The following NAV2 variants were observed in gnomAD, a reference collection of about 807,000 sequenced individuals.
The protein encoded by NAV2 is helicase, APC down-regulated 1.
A neutral mutation model predicts 223.2 loss-of-function variants in NAV2; 54 were observed. The ratio of observed to expected loss-of-function variants is 0.24; its 90% CI spans 0.19 to 0.30. The LOEUF (loss-of-function observed/expected upper bound fraction) is 0.30. Among genes scored for constraint, NAV2 ranks in the 10% least tolerant of loss-of-function variants. NAV2 has a pLI of 1.00. For missense variants in NAV2, 2,806 were observed against 3,147.5 expected (o/e 0.89, Z 2.60); for synonymous variants, 1,279 against 1,239.3 (o/e 1.03, Z -0.67).
chr11:19,455,899 C>T (rs1054666102), intron 1 of NAV2, among the ~76,000 whole-genome samples: 5 of 152,210 alleles, frequency 3.3e-5, no homozygotes, highest in East Asian at 1.9e-4. Flanking sequence ...GGGGCCTGCC[C>T]GGTTGCCATG....
chr11:19,813,863 A>G (rs1457475351), intron 1 of NAV2, among the ~76,000 whole-genome samples: 1 of 151,992 alleles, frequency 6.6e-6, no homozygotes, highest in East Asian at 1.9e-4. Flanking sequence ...GTGGTAAGCA[A>G]CCTCCAGGGA....
chr11:19,349,963 A>T (rs1590029073), upstream of NAV2, among the ~76,000 whole-genome samples: 1 of 151,978 alleles, frequency 6.6e-6, no homozygotes, highest in Non-Finnish European at 1.5e-5. Flanking sequence ...CTCCCTGAGG[A>T]CCCTGGTGTC....
intron 1 of NAV2, among the ~76,000 whole-genome samples, chr11:19,547,999 T>A (rs1006789567): frequency 6.6e-6 from 1 of 152,052 alleles, no homozygotes; most frequent in African/African-American, 2.4e-5. Context: ...CTGCAAGAGG[T>A]TAAATAACCA....
At chr11:19,512,629 T>G (rs2043314078) in intron 1 of NAV2, among the ~76,000 whole-genome samples, 1 of 152,206 alleles carries the variant, frequency 6.6e-6, no homozygotes, top group African/African-American at 2.4e-5. Context: ...AATGACTAAT[T>G]GGAATTGCTG....
chr11:19,947,341 A>G (rs1007728764), intron 9 of NAV2, among the ~76,000 whole-genome samples: 1 of 152,258 alleles, frequency 6.6e-6, no homozygotes, highest in Non-Finnish European at 1.5e-5. Flanking sequence ...AGAGGAAAAC[A>G]AAAACAGCTT....
chr11:19,535,153 G>A (rs1470577924), intron 1 of NAV2, among the ~76,000 whole-genome samples: 1 of 152,166 alleles, frequency 6.6e-6, no homozygotes, highest in East Asian at 1.9e-4. Flanking sequence ...GTGGAGAGTG[G>A]CTTGGCAGTG....
At chr11:19,943,330 A>T (rs58135512) in intron 8 of NAV2, among the ~76,000 whole-genome samples, 28,683 of 151,962 alleles carry the variant, frequency 0.19, 2,895 homozygotes, top group Middle Eastern at 0.37. Context: ...TGCTTTTTTT[A>T]AAAAAACACA....
At chr11:19,439,684 A>G (rs1206234314) in intron 1 of NAV2, among the ~76,000 whole-genome samples, 3 of 152,234 alleles carry the variant, frequency 2.0e-5, no homozygotes, top group African/African-American at 7.2e-5. Context: ...TCATTCATAC[A>G]TGACATGATC....
At chr11:19,618,874 A>G (rs1310281040) in intron 1 of NAV2, among the ~76,000 whole-genome samples, 1 of 150,724 alleles carries the variant, frequency 6.6e-6, no homozygotes, top group African/African-American at 2.4e-5. Flanking sequence ...CTTTGGCTAG[A>G]GCTAAGGGGC....
chr11:19,576,904 T>C (rs1275230116), intron 1 of NAV2, among the ~76,000 whole-genome samples: 1 of 152,192 alleles, frequency 6.6e-6, no homozygotes, highest in Admixed American at 6.5e-5. Context: ...CATCTGGCTG[T>C]CTTAGGCTGA....
At chr11:19,584,042 G>A (rs941349127) in intron 1 of NAV2, among the ~76,000 whole-genome samples, 2 of 152,086 alleles carry the variant, frequency 1.3e-5, no homozygotes, top group African/African-American at 4.8e-5. Flanking sequence ...AGTAATTATT[G>A]CCTCAATTTC....
chr11:19,611,923 C>G (rs2046657195), intron 1 of NAV2, among the ~76,000 whole-genome samples: 1 of 152,254 alleles, frequency 6.6e-6, no homozygotes, highest in East Asian at 1.9e-4. Context: ...TCCTTCTGTA[C>G]TGCCCTAGCA....
At chr11:19,681,435 T>G (rs2152226651) in intron 1 of NAV2, among the ~76,000 whole-genome samples, 1 of 152,088 alleles carries the variant, frequency 6.6e-6, no homozygotes, top group South Asian at 2.1e-4. Context: ...TGAACCCAGG[T>G]CTCTCTGCAA....
At chr11:20,071,722 A>G (rs11025371) in intron 22 of NAV2, among the ~76,000 whole-genome samples, 54,365 of 152,038 alleles carry the variant, frequency 0.36, 10,655 homozygotes, top group African/African-American at 0.52. Flanking sequence ...TGTTGGCTGC[A>G]TAAATGTCTT....
intron 1 of NAV2, among the ~76,000 whole-genome samples, chr11:19,557,442 A>G (rs1336443100): frequency 4.6e-5 from 7 of 152,270 alleles, no homozygotes; most frequent in Non-Finnish European, 8.8e-5. Context: ...ATCTCTTCAC[A>G]TGAATGTTTC....
At chr11:20,043,885 T>C in intron 12 of NAV2, 96 bp from the exon 13 acceptor site, 1 of 1,105,150 alleles carries the variant, frequency 9.0e-7, no homozygotes, top group Non-Finnish European at 1.3e-6. Flanking sequence ...ATTTTTCCCT[T>C]AACTACTCCA....
chr11:19,967,233 T>C (rs545842315), intron 10 of NAV2, among the ~76,000 whole-genome samples: 1 of 152,280 alleles, frequency 6.6e-6, no homozygotes, highest in East Asian at 1.9e-4. Flanking sequence ...TTAGGCTCTG[T>C]AGACCCAAGG....
chr11:19,881,076 T>C (rs1320634556), intron 5 of NAV2, among the ~76,000 whole-genome samples: 2 of 152,176 alleles, frequency 1.3e-5, no homozygotes, highest in African/African-American at 2.4e-5. Context: ...CTCACACACC[T>C]TGATATACCT....
intron 1 of NAV2, among the ~76,000 whole-genome samples, chr11:19,415,904 C>G (rs1850347657): frequency 6.6e-6 from 1 of 152,098 alleles, no homozygotes; most frequent in African/African-American, 2.4e-5. Context: ...CCCCTTCATG[C>G]TAAAAACTCT....
Sources: gnomAD v4.1 joint callset for allele counts (sites outside exome capture counted in the v4.1 genomes callset) on GRCh38, gnomAD v4.1.1 for gene constraint, MANE v1.5 for transcripts, NCBI Gene and HGNC (gene_info 2026-07-23, HGNC 2026-07-21) for gene names.